The following PBX1 variants were observed in gnomAD, a reference collection of about 807,000 sequenced individuals.
PBX1 encodes the protein pre-B-cell leukemia transcription factor 1.
Under a neutral mutation model 53.4 loss-of-function variants are expected in PBX1, and 6 were observed. The ratio of observed to expected loss-of-function variants is 0.11; its 90% CI spans 0.06 to 0.22. The LOEUF (loss-of-function observed/expected upper bound fraction) is 0.22. Among genes scored for constraint, PBX1 ranks in the 10% least tolerant of loss-of-function variants. The probability of loss-of-function intolerance (pLI) is 1.00; values close to 1 mark genes in which losing one functional copy is unlikely to be tolerated. For synonymous variants in PBX1, 204 were observed against 212.3 expected (o/e 0.96, Z 0.34); for missense variants, 251 against 551.4 (o/e 0.46, Z 5.46).
chr1:164,831,898 A>G (rs1670786365), intron 8 of PBX1, among the ~76,000 whole-genome samples: 1 of 152,138 alleles, frequency 6.6e-6, no homozygotes, highest in Non-Finnish European at 1.5e-5. Flanking sequence ...AGAAAGGCCA[A>G]TTTAAATCAA....
At chr1:164,778,059 A>G (rs531577572) in intron 2 of PBX1, among the ~76,000 whole-genome samples, 2 of 152,292 alleles carry the variant, frequency 1.3e-5, no homozygotes, top group South Asian at 2.1e-4. Flanking sequence ...TTGGTTACAT[A>G]TGAAGGTAGG....
At chr1:164,697,143 C>T (rs1170384029) in intron 2 of PBX1, among the ~76,000 whole-genome samples, 1 of 152,168 alleles carries the variant, frequency 6.6e-6, no homozygotes, top group Non-Finnish European at 1.5e-5. Flanking sequence ...CATTCATTAT[C>T]TCGTTTAATC....
chr1:164,572,960 A>T (rs1653974667), intron 2 of PBX1, among the ~76,000 whole-genome samples: 1 of 152,158 alleles, frequency 6.6e-6, no homozygotes, highest in South Asian at 2.1e-4. Context: ...GAGAAATAAA[A>T]GTCTCGGGCA....
intron 2 of PBX1, among the ~76,000 whole-genome samples, chr1:164,564,842 T>A (rs999739368): frequency 9.2e-5 from 14 of 151,794 alleles, no homozygotes; most frequent in Non-Finnish European, 1.0e-4. Flanking sequence ...TATATTTTTT[T>A]ATCTTCTCTC....
chr1:164,780,415 C>T (rs925382709), intron 2 of PBX1, among the ~76,000 whole-genome samples: 3 of 152,280 alleles, frequency 2.0e-5, no homozygotes, highest in Admixed American at 6.5e-5. Flanking sequence ...AAACTTGAAT[C>T]GGCAGTCGAG....
intron 2 of PBX1, among the ~76,000 whole-genome samples, chr1:164,601,108 G>A (rs1425186127): frequency 6.6e-6 from 1 of 151,712 alleles, no homozygotes; most frequent in Non-Finnish European, 1.5e-5. Flanking sequence ...GCGTGGCGGT[G>A]GGCGCCTGTA....
chr1:164,840,689 T>G, intron 8 of PBX1, among the ~76,000 whole-genome samples: 1 of 152,158 alleles, frequency 6.6e-6, no homozygotes. Flanking sequence ...CAAAACAGTA[T>G]AAATATTAAT....
At chr1:164,562,974 A>T (rs918225758) in intron 1 of PBX1, 1 of 227,528 alleles carries the variant, frequency 4.4e-6, no homozygotes. Context: ...TTAAAAAAAA[A>T]AAAAAACCCT....
intron 2 of PBX1, chr1:164,700,436 G>T (rs1663051468): frequency 2.0e-6 from 2 of 984,922 alleles, no homozygotes; most frequent in Admixed American, 6.2e-5. Flanking sequence ...AAGTGCTTTG[G>T]TTACGTAGGG....
intron 8 of PBX1, among the ~76,000 whole-genome samples, chr1:164,843,100 C>T (rs887751076): frequency 2.0e-5 from 3 of 152,212 alleles, no homozygotes; most frequent in South Asian, 2.1e-4. Context: ...AGCCTCTGAA[C>T]GTCTTCCATC....
intron 2 of PBX1, among the ~76,000 whole-genome samples, chr1:164,725,355 C>T (rs1234895543): frequency 6.6e-6 from 1 of 152,156 alleles, no homozygotes. Flanking sequence ...ATCTGTCTGC[C>T]TGTGTGTTCA....
chr1:164,707,418 T>TGAGAGAGAGAGAGAGAGA (rs528876002), intron 2 of PBX1, among the ~76,000 whole-genome samples: 28 of 118,254 alleles, frequency 2.4e-4, no homozygotes, highest in African/African-American at 9.9e-4. Flanking sequence ...TGTGTGTGTG[T>TGAGAGAGAGAGAGAGAGA]GAGAGAGAGA....
chr1:164,849,535 A>G lies in PBX1; in HGVS notation c.*2859A>G. ...TCCTACAGAGAGCAAGATGCACCCC[A>G]GGATTTCTTCATTTTCTAATAGATG... On this transcript the variant is annotated 3_prime_UTR_variant, in exon 9 of 9. Coordinates refer to ENST00000420696, the MANE Select transcript of PBX1 (RefSeq NM_002585.4). 7.6e-7 allele frequency: 1 copy of G among 1,312,154 alleles called. No individual in the cohort carries two copies. The highest frequency in any genetic ancestry group is 1.0e-6 in the Non-Finnish European group (1 of 973,068). The allele number at this position is 1,312,154 out of a possible 1,614,324, so 81.3% of individuals were successfully genotyped here.
intron 2 of PBX1, chr1:164,626,152 C>T (rs1658025639): frequency 1.0e-6 from 1 of 956,324 alleles, no homozygotes; most frequent in South Asian, 4.9e-5. Context: ...GATGCATATA[C>T]CATGCCTTCC....
At chr1:164,808,995 T>G (rs1669482343) in intron 5 of PBX1, among the ~76,000 whole-genome samples, 1 of 152,156 alleles carries the variant, frequency 6.6e-6, no homozygotes, top group African/African-American at 2.4e-5. Context: ...ACCATTCTTA[T>G]CCAAATCTAA....
At chr1:164,753,788 G>T (rs1666349233) in intron 2 of PBX1, among the ~76,000 whole-genome samples, 1 of 152,154 alleles carries the variant, frequency 6.6e-6, no homozygotes, top group South Asian at 2.1e-4. Flanking sequence ...TTTTATTGTG[G>T]TCTCTTTTAT....
intron 8 of PBX1, chr1:164,829,882 T>C (rs1310508446): frequency 6.6e-6 from 1 of 152,068 alleles, no homozygotes; most frequent in Non-Finnish European, 1.5e-5. Context: ...GAATTAATAC[T>C]GATTAGCTGC....
At chr1:164,564,766 T>C (rs966169669) in intron 2 of PBX1, among the ~76,000 whole-genome samples, 1 of 151,904 alleles carries the variant, frequency 6.6e-6, no homozygotes, top group Non-Finnish European at 1.5e-5. Flanking sequence ...TGTCACACTT[T>C]TTAGTTTCTT....
intron 2 of PBX1, among the ~76,000 whole-genome samples, chr1:164,566,960 TTC>T (rs1653474714): frequency 6.6e-6 from 1 of 152,170 alleles, no homozygotes; most frequent in Non-Finnish European, 1.5e-5. Flanking sequence ...CACCCTTTTG[TTC>T]TCTCTCTTTC....
Sources: allele counts gnomAD v4.1 joint callset (sites outside exome capture counted in the v4.1 genomes callset), GRCh38; gene constraint gnomAD v4.1.1; transcripts MANE v1.5; gene names NCBI Gene and HGNC (gene_info 2026-07-23, HGNC 2026-07-21).